Variants in CACNA1C observed in about 807,000 individuals in gnomAD.
CACNA1C encodes voltage-dependent L-type calcium channel subunit alpha-1C.
In CACNA1C, 30 loss-of-function variants were observed where a neutral mutation model predicts 229.0. The observed-to-expected ratio is 0.13, with a 90% CI of 0.10 to 0.18. The LOEUF is 0.18. Ranked by LOEUF, CACNA1C falls within the 10% of genes least tolerant of loss-of-function variation. The pLI, the probability that CACNA1C is intolerant of heterozygous loss-of-function variation, is 1.00. For synonymous variants in CACNA1C, 1,114 were observed against 1,132.5 expected, an observed-to-expected ratio of 0.98 and a Z score of 0.33; for missense variants, 1,658 against 2,845.0, an observed-to-expected ratio of 0.58 and a Z score of 9.49.
chr12:2,485,582 T>C (rs2099694536), intron 5 of CACNA1C, among the ~76,000 whole-genome samples: 1 of 152,158 alleles, frequency 6.6e-6, no homozygotes, highest in Admixed American at 6.5e-5. Flanking sequence ...CATAACAAAA[T>C]TGATCATTTC....
At chr12:2,506,283 A>G (rs2099771672) in intron 8 of CACNA1C, among the ~76,000 whole-genome samples, 1 of 152,214 alleles carries the variant, frequency 6.6e-6, no homozygotes, top group African/African-American at 2.4e-5. Flanking sequence ...ACACAAGAAA[A>G]TGCCCATGTG....
chr12:2,605,621 G>A lies in CACNA1C; in HGVS notation c.3049-58G>A. On this transcript the variant is annotated intron_variant, in intron 23 of 46. Transcript: ENST00000399655. This position sits in a 1 kb window ranked among gnomAD's most constrained non-coding sequence, Gnocchi z 6.2. ...AACGGGCTGCCCCTGCTACCTCCTGGAAAGGCTCCTGGCATCTCCTGAAGC... is the reference window on the plus strand; with the variant it reads ...AACGGGCTGCCCCTGCTACCTCCTGAAAAGGCTCCTGGCATCTCCTGAAGC... The A allele has an allele frequency of 7.6e-7, 1 of 1,321,556 alleles. No homozygotes were observed. The highest frequency in any genetic ancestry group is 2.3e-5 in the East Asian group (1 of 43,334). 81.9% of individuals were successfully genotyped at this position (1,321,556 alleles called of 1,614,324 possible).
Position 2,248,575 on chromosome 12 carries a change from T to G in CACNA1C, c.477+128145T>G, listed in dbSNP as rs551817581. On this transcript the variant is annotated intron_variant, in intron 3 of 46. Coordinates refer to ENST00000399655, the MANE Select transcript of CACNA1C (RefSeq NM_000719.7). ...GTGCTGGAGAGGCGATGGCTGCAAC[T>G]GGGGCAGAGAAGTGAGCCTTCCTGT... is the stretch of plus-strand genomic sequence containing the variant. Among the ~76,000 whole-genome samples the G allele has an allele frequency of 2.0e-5, 3 of 152,320 alleles. No homozygotes were observed. In the South Asian group the frequency reaches 6.2e-4, roughly 32 times the overall value.
At chr12:2,501,977 A>G (rs1206452939) in intron 7 of CACNA1C, among the ~76,000 whole-genome samples, 3 of 152,236 alleles carry the variant, frequency 2.0e-5, no homozygotes, top group East Asian at 1.9e-4. Context: ...CATTGCTATC[A>G]TAGGACCACA....
chr12:2,453,228 T>C (rs2099394935), intron 4 of CACNA1C, among the ~76,000 whole-genome samples: 1 of 152,004 alleles, frequency 6.6e-6, no homozygotes, highest in Admixed American at 6.5e-5. Flanking sequence ...TCTAGACCAA[T>C]CCCCTCATCG....
At chr12:2,474,511 T>A (rs1287872114) in intron 5 of CACNA1C, among the ~76,000 whole-genome samples, 3 of 152,098 alleles carry the variant, frequency 2.0e-5, no homozygotes, top group African/African-American at 7.2e-5. Flanking sequence ...TCCCAGCACT[T>A]TGGGAGGCCG....
At chr12:1,974,336 A>G (rs762620315) in intron 1 of CACNA1C, among the ~76,000 whole-genome samples, 2 of 152,132 alleles carry the variant, frequency 1.3e-5, no homozygotes, top group Non-Finnish European at 2.9e-5. Flanking sequence ...GTTCTCCTTC[A>G]ACCTTCACTG....
intron 3 of CACNA1C, among the ~76,000 whole-genome samples, chr12:2,380,114 G>A (rs919422156): frequency 6.6e-6 from 1 of 151,870 alleles, no homozygotes; most frequent in Admixed American, 6.6e-5. Context: ...TGATGGTCAA[G>A]TCAGCTTAAG....
At chr12:2,682,854 CACAACACACACAA>C (rs150721503) in intron 43 of CACNA1C, among the ~76,000 whole-genome samples, 176 bp downstream of exon 43, 16 of 45,002 alleles carry the variant, frequency 3.6e-4, no homozygotes, top group Admixed American at 3.7e-4. Context: ...CCCCCCAACA[CACAACACACACAA>C]ACACACACAC....
At chr12:2,592,126 G>T (rs1165081410) in intron 18 of CACNA1C, among the ~76,000 whole-genome samples, 1 of 152,220 alleles carries the variant, frequency 6.6e-6, no homozygotes, top group Non-Finnish European at 1.5e-5. Context: ...CCACTGTAGT[G>T]AAGTGCTCAG....
At chr12:2,541,164 T>C (rs1047995065) in intron 9 of CACNA1C, among the ~76,000 whole-genome samples, 5 of 152,068 alleles carry the variant, frequency 3.3e-5, no homozygotes, top group African/African-American at 4.8e-5. Flanking sequence ...CAAGACTCTG[T>C]CTCCAAACAT....
At position 2,688,663 on chromosome 12, in the gene CACNA1C, G is replaced by C; in HGVS notation, c.6001G>C (p.Gly2001Arg). 6.2e-7 allele frequency: 1 copy of C among 1,613,604 alleles called. No individual in the cohort carries two copies. Among genetic ancestry groups the C allele is most frequent in the Non-Finnish European group, 8.5e-7 (1 of 1,179,806 alleles). Reference sequence around the variant, plus strand: ...CGGCTCCTGGGCTGAGACCACCCCCGGTGGCGGGGGCAGCAGCGCCGCCCG... The same window carrying C: ...CGGCTCCTGGGCTGAGACCACCCCCCGTGGCGGGGGCAGCAGCGCCGCCCG... Reference protein sequence around the residue: ...HCGSWAETTPGGGGSSAARRV... With the variant: ...HCGSWAETTPRGGGSSAARRV... The change falls in exon 46 of 47, where the codon GGT becomes CGT. Residue 2001 changes from glycine to arginine, a missense_variant. Gly to Arg is a moderately radical substitution (Grantham distance 125). Coordinates refer to ENST00000399655, the MANE Select transcript of CACNA1C (RefSeq NM_000719.7).
chr12:2,427,514 G>T (rs2099043740), intron 3 of CACNA1C, among the ~76,000 whole-genome samples: 1 of 103,254 alleles, frequency 9.7e-6, no homozygotes. Context: ...AGGAAGAAAT[G>T]GCTCGCTACC....
intron 1 of CACNA1C, chr12:1,997,892 T>G (rs1477547824): frequency 6.7e-7 from 1 of 1,499,626 alleles, no homozygotes; most frequent in Non-Finnish European, 9.2e-7. Flanking sequence ...GCTAAAATAT[T>G]ATTTTGAAGA....
intron 4 of CACNA1C, among the ~76,000 whole-genome samples, chr12:2,453,107 C>T (rs145730969): frequency 6.1e-4 from 93 of 152,190 alleles, no homozygotes; most frequent in East Asian, 2.9e-3. Context: ...TTGAGAGTCT[C>T]GCTCAGAGGT....
At chr12:2,365,808 G>A (rs2097705477) in intron 3 of CACNA1C, among the ~76,000 whole-genome samples, 1 of 152,150 alleles carries the variant, frequency 6.6e-6, no homozygotes, top group Admixed American at 6.5e-5. Flanking sequence ...TGTAAATCAA[G>A]GGGCGCTAAA....
chr12:2,549,825 C>G, intron 9 of CACNA1C, 118 bp from the exon 10 acceptor site: 1 of 726,432 alleles, frequency 1.4e-6, no homozygotes, highest in Non-Finnish European at 2.5e-6. Context: ...CGTGCTCAGC[C>G]TCTCTTTCTG....
intron 21 of CACNA1C, among the ~76,000 whole-genome samples, chr12:2,599,459 C>T (rs976275391): frequency 2.0e-5 from 3 of 152,036 alleles, no homozygotes; most frequent in Non-Finnish European, 4.4e-5. Context: ...TACAAAGGAC[C>T]GTCACATAGA....
intron 1 of CACNA1C, among the ~76,000 whole-genome samples, chr12:1,993,856 T>C (rs1048507800): frequency 1.3e-5 from 2 of 152,202 alleles, no homozygotes; most frequent in East Asian, 1.9e-4. Flanking sequence ...AAATTTTAAG[T>C]GTTAGTCTGA....
Sources: gnomAD v4.1 joint callset for allele counts (sites outside exome capture counted in the v4.1 genomes callset) on GRCh38, gnomAD v4.1.1 for gene constraint, Gnocchi (gnomAD v3.1) non-coding constraint, MANE v1.5 for transcripts, NCBI Gene and HGNC (gene_info 2026-07-23, HGNC 2026-07-21) for gene names.